The following VEPH1 variants were observed in gnomAD, a reference collection of about 807,000 sequenced individuals.
VEPH1 encodes ventricular zone-expressed PH domain-containing protein homolog 1.
A neutral mutation model predicts 85.2 loss-of-function variants in VEPH1; 80 were observed. That is an observed-to-expected ratio of 0.94 (90% CI 0.78 to 1.13). The LOEUF is 1.13. Among genes scored for constraint, VEPH1 ranks in the 50% most tolerant of loss-of-function variants. The pLI is 0.00. For missense variants in VEPH1, 955 were observed against 980.5 expected (o/e 0.97, Z 0.35); for synonymous variants, 297 against 348.0 (o/e 0.85, Z 1.63).
chr3:157,413,953 C>A lies in VEPH1; in HGVS notation c.834G>T (p.Glu278Asp). ...ALNSFLPMLK[E>D]IGERFPYLTG... is the part of the protein sequence containing the mutation. Reference sequence around the variant, plus strand: ...TGAGGTAGGGGAATCTCTCACCAATCTCTTTCAGCATTGGAAGAAAACTGT... The same window carrying A: ...TGAGGTAGGGGAATCTCTCACCAATATCTTTCAGCATTGGAAGAAAACTGT... The change falls in exon 6 of 14, where the codon GAG becomes GAT. Residue 278 changes from glutamate to aspartate, a missense_variant. By Grantham distance (45) the Glu-to-Asp change is conservative. Coordinates refer to ENST00000362010, the MANE Select transcript of VEPH1 (RefSeq NM_001167912.2). 1 of 1,613,688 alleles carries A rather than the reference C, an allele frequency of 6.2e-7. No individual in the cohort carries two copies. Among genetic ancestry groups the A allele is most frequent in the Non-Finnish European group, 8.5e-7 (1 of 1,179,760 alleles).
chr3:157,364,273 G>C, intron 8 of VEPH1, 30 bp downstream of exon 8: 1 of 1,490,080 alleles, frequency 6.7e-7, no homozygotes, highest in Non-Finnish European at 9.1e-7. Context: ...TGAAGTGTAT[G>C]ATTTAAAAAA....
chr3:157,383,082 G>C (rs955575140), intron 6 of VEPH1, among the ~76,000 whole-genome samples: 2 of 152,098 alleles, frequency 1.3e-5, no homozygotes, highest in African/African-American at 2.4e-5. Flanking sequence ...TCCTGCCTCA[G>C]CCTCCCAAAA....
intron 2 of VEPH1, among the ~76,000 whole-genome samples, chr3:157,478,097 G>C (rs9815250): frequency 0.23 from 35,022 of 152,062 alleles, 4,379 homozygotes; most frequent in South Asian, 0.35. Flanking sequence ...TCTGCCTATA[G>C]AAATTTTCTG....
chr3:157,273,567 G>C (rs1714991047), intron 12 of VEPH1, among the ~76,000 whole-genome samples: 1 of 152,100 alleles, frequency 6.6e-6, no homozygotes, highest in Non-Finnish European at 1.5e-5. Flanking sequence ...CATAGCAAAG[G>C]ACCAAAGCTG....
chr3:157,411,985 T>C (rs1281774768), intron 6 of VEPH1, among the ~76,000 whole-genome samples: 1 of 152,174 alleles, frequency 6.6e-6, no homozygotes, highest in Non-Finnish European at 1.5e-5. Context: ...GAGGGTGGAT[T>C]TCCCCCTTGC....
intron 3 of VEPH1, among the ~76,000 whole-genome samples, chr3:157,462,776 G>A (rs1736001569): frequency 6.6e-6 from 1 of 152,090 alleles, no homozygotes; most frequent in African/African-American, 2.4e-5. Flanking sequence ...TTCCTCTGTG[G>A]AACTGTCCAG....
In VEPH1 at chr3:157,437,718, G is replaced by A. The variant is rs1345222145; in HGVS notation, c.530-9230C>T. On this transcript the variant is annotated intron_variant, in intron 4 of 13. Coordinates refer to ENST00000362010, the MANE Select transcript of VEPH1 (RefSeq NM_001167912.2). ...CGCCGGGGGCTCCCGCAGAGGCCAG[G>A]CTGACCAGTGCTCTGGACGAGCTGC... is the stretch of plus-strand genomic sequence containing the variant. 6 of 1,528,200 alleles carry A rather than the reference G, an allele frequency of 3.9e-6. No homozygotes were observed. The African/African-American group carries it at 8.3e-5, about 21-fold the overall frequency. 94.7% of individuals were successfully genotyped at this position (1,528,200 alleles called of 1,614,324 possible). A position where few individuals can be genotyped will look rare whatever the true frequency, so the allele number is the denominator to read the frequency against.
At chr3:157,281,352 A>G (rs1289570147) in intron 12 of VEPH1, among the ~76,000 whole-genome samples, 1 of 152,232 alleles carries the variant, frequency 6.6e-6, no homozygotes, top group East Asian at 1.9e-4. Context: ...TCAATTTTAC[A>G]TAATCAATAT....
At chr3:157,434,343 T>A (rs6803043) in intron 4 of VEPH1, among the ~76,000 whole-genome samples, 97,903 of 151,844 alleles carry the variant, frequency 0.64, 32,103 homozygotes, top group East Asian at 0.8. Context: ...TCAGGGTCTC[T>A]TTCTGTCGCC....
At chr3:157,406,164 A>T (rs990291859) in intron 6 of VEPH1, among the ~76,000 whole-genome samples, 2 of 152,180 alleles carry the variant, frequency 1.3e-5, no homozygotes, top group African/African-American at 4.8e-5. Flanking sequence ...TATAATATTA[A>T]GTAGCAGCCA....
rs1739584183 is a variant in VEPH1 at position 157,495,365 on chromosome 3, G to A, written c.-16C>T. The A allele has an allele frequency of 6.8e-6, 11 of 1,612,766 alleles. No homozygotes were observed. Among genetic ancestry groups the A allele is most frequent in the Non-Finnish European group, 9.3e-6 (11 of 1,179,498 alleles). On this transcript the variant is annotated 5_prime_UTR_variant, in exon 2 of 14. Coordinates refer to ENST00000362010, the MANE Select transcript of VEPH1 (RefSeq NM_001167912.2). ...GTTGATGCATGGTGAGGATGAGTTT[G>A]ATCAGTTGACTTTCTACAGACCCAG...
intron 1 of VEPH1, among the ~76,000 whole-genome samples, chr3:157,496,961 A>G (rs1739716670): frequency 6.6e-6 from 1 of 152,234 alleles, no homozygotes; most frequent in African/African-American, 2.4e-5. Flanking sequence ...CTTTGTAAAT[A>G]TTAATTCATC....
chr3:157,356,712 G>A (rs2108743527), intron 9 of VEPH1, among the ~76,000 whole-genome samples: 1 of 152,202 alleles, frequency 6.6e-6, no homozygotes, highest in East Asian at 1.9e-4. Flanking sequence ...TTTTAAATGA[G>A]ATTTGATGAC....
At chr3:157,322,696 A>T (rs1236145199) in intron 9 of VEPH1, among the ~76,000 whole-genome samples, 1 of 152,208 alleles carries the variant, frequency 6.6e-6, no homozygotes, top group African/African-American at 2.4e-5. Flanking sequence ...GCTAGATGAC[A>T]ACAGGAGGAG....
intron 7 of VEPH1, among the ~76,000 whole-genome samples, chr3:157,367,282 T>A (rs1726816585): frequency 6.6e-6 from 1 of 152,210 alleles, no homozygotes; most frequent in African/African-American, 2.4e-5. Flanking sequence ...TGATATTGGC[T>A]ACAGTCAAAT....
intron 6 of VEPH1, among the ~76,000 whole-genome samples, chr3:157,399,774 T>C (rs1415402017): frequency 6.6e-6 from 1 of 152,146 alleles, no homozygotes; most frequent in African/African-American, 2.4e-5. Flanking sequence ...AATAATCTTT[T>C]AACAGAACAT....
chr3:157,473,004 T>C (rs1438429640), intron 2 of VEPH1, among the ~76,000 whole-genome samples: 1 of 152,076 alleles, frequency 6.6e-6, no homozygotes, highest in African/African-American at 2.4e-5. Context: ...GTCTTTTTGT[T>C]GTTGTTAACA....
At chr3:157,463,812 C>T (rs1215548606) in intron 3 of VEPH1, among the ~76,000 whole-genome samples, 1 of 152,114 alleles carries the variant, frequency 6.6e-6, no homozygotes, top group Non-Finnish European at 1.5e-5. Flanking sequence ...ACCTAGGAGA[C>T]AGATTAGAAA....
rs766933867 is a variant in VEPH1, at chr3:157,428,494, G to A, written c.530-6C>T. On this transcript the variant is annotated splice_polypyrimidine_tract_variant and splice_region_variant and intron_variant, in intron 4 of 13. Coordinates refer to ENST00000362010, the MANE Select transcript of VEPH1 (RefSeq NM_001167912.2). ...TCTCAACAACATGGTGTTACCTGTT[G>A]AGGGAACAATAAAGGGAATGATGAC... The A allele has an allele frequency of 8.1e-6, 13 of 1,612,504 alleles. No homozygotes were observed. Among genetic ancestry groups the A allele is most frequent in the South Asian group, 1.1e-5 (1 of 91,004 alleles).
Sources: allele counts gnomAD v4.1 joint callset (sites outside exome capture counted in the v4.1 genomes callset), GRCh38; gene constraint gnomAD v4.1.1; transcripts MANE v1.5; gene names NCBI Gene and HGNC (gene_info 2026-07-23, HGNC 2026-07-21).